The following ANKRD30BL variants were observed in gnomAD, a reference collection of about 807,000 sequenced individuals.
ANKRD30BL encodes putative ankyrin repeat domain-containing protein 30B-like.
Under a neutral mutation model 18.4 loss-of-function variants are expected in ANKRD30BL, and 20 were observed. The observed-to-expected ratio is 1.09, with a 90% CI of 0.77 to 1.58. The LOEUF is 1.58. Among genes scored for constraint, ANKRD30BL ranks in the 40% most tolerant of loss-of-function variants. ANKRD30BL has a pLI of 0.00. For synonymous variants in ANKRD30BL, 72 were observed against 100.9 expected (o/e 0.71, Z 1.72); for missense variants, 224 against 268.6 (o/e 0.83, Z 1.16).
At chr2:132,198,288 C>CTTTGT (rs1679009794) in intron 1 of ANKRD30BL, among the ~76,000 whole-genome samples, 1 of 9,740 alleles carries the variant, frequency 1.0e-4, no homozygotes, top group African/African-American at 3.0e-4. Context: ...TTCTTTCTTT[C>CTTTGT]TTTCTTTCTT....
intron 1 of ANKRD30BL, among the ~76,000 whole-genome samples, chr2:132,169,337 T>C (rs1401165840): frequency 6.6e-6 from 1 of 152,200 alleles, no homozygotes; most frequent in Non-Finnish European, 1.5e-5. Context: ...CAGTTCATTT[T>C]ACATAATCTT....
chr2:132,156,739 T>C (rs892255423), intron 3 of ANKRD30BL: 1 of 232,298 alleles, frequency 4.3e-6, no homozygotes, highest in African/African-American at 2.3e-5. Flanking sequence ...TATTTGAAAA[T>C]GTTTTACCTT....
At chr2:132,255,673 T>A (rs1263729925) in intron 1 of ANKRD30BL, among the ~76,000 whole-genome samples, 1 of 152,128 alleles carries the variant, frequency 6.6e-6, no homozygotes, top group Non-Finnish European at 1.5e-5. Context: ...GTATTGTTAT[T>A]TTTCGTCACT....
intron 1 of ANKRD30BL, among the ~76,000 whole-genome samples, chr2:132,170,643 T>G (rs1308642990): frequency 6.6e-6 from 1 of 152,252 alleles, no homozygotes; most frequent in African/African-American, 2.4e-5. Context: ...GGAATAAGAT[T>G]GTACTTTAAA....
chr2:132,253,611 G>A (rs77172223), intron 1 of ANKRD30BL, among the ~76,000 whole-genome samples: 6 of 152,222 alleles, frequency 3.9e-5, no homozygotes, highest in African/African-American at 7.2e-5. Flanking sequence ...GTGGCGACAC[G>A]CAAGTGTGGC....
chr2:132,209,163 G>T (rs971403985), intron 1 of ANKRD30BL, among the ~76,000 whole-genome samples: 1 of 151,792 alleles, frequency 6.6e-6, no homozygotes, highest in Non-Finnish European at 1.5e-5. Context: ...GGCCTATGGT[G>T]GAAAAGGAAA....
chr2:132,151,504 C>T (rs1687756610), intron 4 of ANKRD30BL, among the ~76,000 whole-genome samples: 1 of 151,782 alleles, frequency 6.6e-6, no homozygotes, highest in African/African-American at 2.4e-5. Flanking sequence ...GTGGCTCATG[C>T]TTGTGAGGCA....
At chr2:132,224,615 T>C (rs1394283955) in intron 1 of ANKRD30BL, among the ~76,000 whole-genome samples, 1 of 152,186 alleles carries the variant, frequency 6.6e-6, no homozygotes, top group African/African-American at 2.4e-5. Context: ...TTGAGAGCTT[T>C]GTGGCCTATG....
At chr2:132,167,275 T>TTTTTTTTTTA (rs1553470413) in intron 1 of ANKRD30BL, among the ~76,000 whole-genome samples, 3 of 111,196 alleles carry the variant, frequency 2.7e-5, no homozygotes, top group Non-Finnish European at 3.6e-5. Flanking sequence ...CATTCATTTA[T>TTTTTTTTTTA]TTTTATTTTA....
chr2:132,208,253 A>G (rs1268379962), intron 1 of ANKRD30BL, among the ~76,000 whole-genome samples: 1 of 152,132 alleles, frequency 6.6e-6, no homozygotes, highest in East Asian at 1.9e-4. Context: ...ACACATCCAA[A>G]TATGTTTTAT....
chr2:132,231,178 C>T (rs1227850471), intron 1 of ANKRD30BL, among the ~76,000 whole-genome samples: 1 of 152,140 alleles, frequency 6.6e-6, no homozygotes, highest in Admixed American at 6.6e-5. Context: ...TACATAGAAG[C>T]ATTCTCAGAA....
At chr2:132,246,973 A>G (rs1350623975) in intron 1 of ANKRD30BL, among the ~76,000 whole-genome samples, 2 of 152,038 alleles carry the variant, frequency 1.3e-5, no homozygotes, top group African/African-American at 2.4e-5. Context: ...GGAAACGGGA[A>G]CATCTTCACA....
intron 1 of ANKRD30BL, among the ~76,000 whole-genome samples, chr2:132,204,102 G>T (rs1679163032): frequency 1.3e-5 from 2 of 152,182 alleles, no homozygotes; most frequent in Admixed American, 6.5e-5. Flanking sequence ...CTCAGCCTTT[G>T]TATCAATATT....
intron 1 of ANKRD30BL, chr2:132,257,091 G>C: frequency 2.0e-6 from 1 of 489,332 alleles, no homozygotes; most frequent in Middle Eastern, 3.3e-4. Context: ...ACCGAGACCC[G>C]CCTCATGAGC....
chr2:132,175,529 T>C (rs553882671), intron 1 of ANKRD30BL, among the ~76,000 whole-genome samples: 56 of 152,344 alleles, frequency 3.7e-4, no homozygotes, highest in Non-Finnish European at 5.9e-4. Flanking sequence ...CAGGAGACAG[T>C]GGCCTTCCTC....
chr2:132,163,524 G>A (rs867444812), upstream of ANKRD30BL, among the ~76,000 whole-genome samples: 6 of 152,226 alleles, frequency 3.9e-5, 1 homozygote, highest in African/African-American at 1.4e-4. Flanking sequence ...TCCAAGCCTG[G>A]GCAACAGAGA....
At chr2:132,245,113 T>C (rs1355964937) in intron 1 of ANKRD30BL, among the ~76,000 whole-genome samples, 1 of 152,284 alleles carries the variant, frequency 6.6e-6, no homozygotes, top group Admixed American at 6.5e-5. Flanking sequence ...CACATAAAAC[T>C]AGACAGAAGC....
At chr2:132,202,435 CTT>C (rs993884607) in intron 1 of ANKRD30BL, among the ~76,000 whole-genome samples, 1 of 138,250 alleles carries the variant, frequency 7.2e-6, no homozygotes, top group South Asian at 2.4e-4. Flanking sequence ...TTTTTATCCT[CTT>C]TTTTTTTACA....
rs967352333 is a variant in ANKRD30BL, at chr2:132,222,522, A to T, written n.441+35007T>A. Among the ~76,000 whole-genome samples, 22 of 151,996 alleles carry T rather than the reference A, an allele frequency of 1.4e-4. 1 individual carries two copies. The highest frequency in any genetic ancestry group is 5.8e-4 in the East Asian group (3 of 5,168). On this transcript the variant is annotated intron_variant and non_coding_transcript_variant, in intron 1 of 4. Coordinates refer to the ANKRD30BL transcript ENST00000470729. ...ATTCTTCTGCCTTGGGATCCTGTTGATCTGTGACCTTACCCCCAACCCTGT... is the reference window on the plus strand; with the variant it reads ...ATTCTTCTGCCTTGGGATCCTGTTGTTCTGTGACCTTACCCCCAACCCTGT...
Sources: allele counts gnomAD v4.1 joint callset (sites outside exome capture counted in the v4.1 genomes callset), GRCh38; gene constraint gnomAD v4.1.1; transcripts MANE v1.5; gene names NCBI Gene and HGNC (gene_info 2026-07-23, HGNC 2026-07-21).